Variants in PPARA observed in about 807,000 individuals in gnomAD.
PPARA encodes the protein peroxisome proliferator activated receptor alpha.
PPARA carries 22 observed loss-of-function variants against 42.2 expected under a neutral mutation model. That is an observed-to-expected ratio of 0.52 (90% CI 0.37 to 0.74). The LOEUF (loss-of-function observed/expected upper bound fraction) is 0.74. Among genes scored for constraint, PPARA ranks in the 30% least tolerant of loss-of-function variants. PPARA has a pLI of 0.00. For synonymous variants in PPARA, 242 were observed against 239.3 expected (o/e 1.01, Z -0.10); for missense variants, 465 against 608.2 (o/e 0.76, Z 2.48).
intron 5 of PPARA, among the ~76,000 whole-genome samples, chr22:46,217,758 G>A (rs990531256): frequency 2.7e-5 from 4 of 147,716 alleles, no homozygotes; most frequent in African/African-American, 5.0e-5. Flanking sequence ...TAAATGTAAC[G>A]ACATTTAAAG....
At position 46,203,875 on chromosome 22, in the gene PPARA, G is replaced by T. The variant is rs1466024648; in HGVS notation, c.208+5284G>T. On this transcript the variant is annotated intron_variant, in intron 4 of 8. Transcript: ENST00000407236. This position sits in a 1 kb window ranked among gnomAD's most constrained non-coding sequence, Gnocchi z 5.8. Reference sequence around the variant, plus strand: ...CCTCATCTACACAAAAGCACCTGAGGTAAACACTTGTGGGGCAGGTTGCAG... The same window carrying T: ...CCTCATCTACACAAAAGCACCTGAGTTAAACACTTGTGGGGCAGGTTGCAG... Among the ~76,000 whole-genome samples the T allele has an allele frequency of 6.6e-6, 1 of 152,232 alleles. No individual in the cohort carries two copies. Among genetic ancestry groups the T allele is most frequent in the Non-Finnish European group, 1.5e-5 (1 of 68,044 alleles).
chr22:46,207,103 G>C (rs888877278), intron 4 of PPARA, among the ~76,000 whole-genome samples: 1 of 151,586 alleles, frequency 6.6e-6, no homozygotes, highest in Non-Finnish European at 1.5e-5. Context: ...CATGCCTATA[G>C]TCCCTGCTAC....
chr22:46,155,013 AAAAAAAAAAAAAAAC>A (rs1925061720), intron 2 of PPARA: 5 of 144,300 alleles, frequency 3.5e-5, no homozygotes, highest in Admixed American at 2.7e-4. Flanking sequence ...AAAAAAAAAA[AAAAAAAAAAAAAAAC>A]CACATTAATT....
At chr22:46,194,568 C>CTTT (rs1158744441) in intron 3 of PPARA, among the ~76,000 whole-genome samples, 51 of 125,486 alleles carry the variant, frequency 4.1e-4, no homozygotes, top group South Asian at 7.7e-4. Context: ...TTGCTTTTTC[C>CTTT]TTTTTTTTTT....
chr22:46,225,457 C>T lies in PPARA; in HGVS notation c.711+5443C>T, dbSNP rs1171916012. ...AGCAACAGAAAATGAGACTGAGGGGCTTGGGCAGAGTCAGTGCCTTCTGTG... is the reference window on the plus strand; with the variant it reads ...AGCAACAGAAAATGAGACTGAGGGGTTTGGGCAGAGTCAGTGCCTTCTGTG... On this transcript the variant is annotated intron_variant, in intron 7 of 8. Coordinates refer to ENST00000407236, the MANE Select transcript of PPARA (RefSeq NM_005036.6). This position sits in a 1 kb window ranked among gnomAD's most constrained non-coding sequence, Gnocchi z 4.1. 6.6e-6 allele frequency among the ~76,000 whole-genome samples: 1 copy of T among 152,126 alleles called. No individual in the cohort carries two copies. Among genetic ancestry groups the T allele is most frequent in the Non-Finnish European group, 1.5e-5 (1 of 68,002 alleles).
intron 2 of PPARA, among the ~76,000 whole-genome samples, chr22:46,169,570 G>T (rs953006641): frequency 2.6e-5 from 4 of 151,864 alleles, no homozygotes; most frequent in Non-Finnish European, 4.4e-5. Context: ...AAACTGTGGT[G>T]GGAGTGAGGT....
rs1445129121 is a variant in PPARA at position 46,196,971 on chromosome 22, TG to T, written c.-42-1368del. Among the ~76,000 whole-genome samples, 1 of 152,168 alleles carries T rather than the reference TG, an allele frequency of 6.6e-6. No individual in the cohort carries two copies. The highest frequency in any genetic ancestry group is 1.9e-4 in the East Asian group (1 of 5,188). On this transcript the variant is annotated intron_variant, in intron 3 of 8. Coordinates refer to ENST00000407236, the MANE Select transcript of PPARA (RefSeq NM_005036.6). The surrounding 1 kb of genome is among the most constrained non-coding windows in gnomAD (Gnocchi z 5.6). ...CTCCTGACCTCGTGATCTGCCCACC[TG>T]GGCCTCCCAAAGTGCTGGGATTACA... is the stretch of plus-strand genomic sequence containing the variant.
chr22:46,154,045 A>G (rs888227359), intron 2 of PPARA, among the ~76,000 whole-genome samples: 1 of 152,222 alleles, frequency 6.6e-6, no homozygotes, highest in Admixed American at 6.5e-5. Flanking sequence ...AGATACAATA[A>G]TATTTAGCCA....
rs973815827 is a variant in PPARA at position 46,236,974 on chromosome 22, C to T, written c.*1594C>T. ...TGGTAGTTTGTCAAGAATATATGGA[C>T]CTGGAAACACTTTCTCTCTCTGTCC... On this transcript the variant is annotated 3_prime_UTR_variant, in exon 9 of 9. Transcript: ENST00000407236. This position sits in a 1 kb window ranked among gnomAD's most constrained non-coding sequence, Gnocchi z 5.2. 6.6e-6 allele frequency: 1 copy of T among 152,148 alleles called. No individual in the cohort carries two copies. Among genetic ancestry groups the T allele is most frequent in the African/African-American group, 2.4e-5 (1 of 41,430 alleles). The allele number at this position is 152,148 out of a possible 1,614,324, so 9.4% of individuals were successfully genotyped here. A position where few individuals can be genotyped will look rare whatever the true frequency, so the allele number is the denominator to read the frequency against.
rs1314664717 is a variant in PPARA, at chr22:46,191,253, T to A, written c.-42-7089T>A. On this transcript the variant is annotated intron_variant, in intron 3 of 8. Coordinates refer to ENST00000407236, the MANE Select transcript of PPARA (RefSeq NM_005036.6). This position sits in a 1 kb window ranked among gnomAD's most constrained non-coding sequence, Gnocchi z 4.6. Reference sequence around the variant, plus strand: ...GGACCTTCTGGGTCCAAGAACCTCATGTCCAATACAAGGGTGCACACGTGG... The same window carrying A: ...GGACCTTCTGGGTCCAAGAACCTCAAGTCCAATACAAGGGTGCACACGTGG... Among the ~76,000 whole-genome samples the A allele has an allele frequency of 1.3e-5, 2 of 152,128 alleles. No individual in the cohort carries two copies. The highest frequency in any genetic ancestry group is 2.9e-5 in the Non-Finnish European group (2 of 68,024).
At chr22:46,170,174 G>A (rs902242582) in intron 2 of PPARA, among the ~76,000 whole-genome samples, 6 of 150,244 alleles carry the variant, frequency 4.0e-5, no homozygotes, top group African/African-American at 1.5e-4. Flanking sequence ...TACTTGTACT[G>A]TATACAGGCT....
In PPARA at chr22:46,184,463, C is replaced by T. The variant is rs1355964712; in HGVS notation, c.-43+7627C>T. On this transcript the variant is annotated intron_variant, in intron 3 of 8. Transcript: ENST00000407236. The surrounding 1 kb of genome is among the most constrained non-coding windows in gnomAD (Gnocchi z 4.4). ...TGCTACCCTTGCACCTGATGGAGGGCTTCTCTGAATATAGGGCTATGGGGT... is the reference window on the plus strand; with the variant it reads ...TGCTACCCTTGCACCTGATGGAGGGTTTCTCTGAATATAGGGCTATGGGGT... Among the ~76,000 whole-genome samples the T allele has an allele frequency of 6.6e-6, 1 of 152,166 alleles. No homozygotes were observed. Among genetic ancestry groups the T allele is most frequent in the Non-Finnish European group, 1.5e-5 (1 of 68,020 alleles).
At position 46,234,332 on chromosome 22, in the gene PPARA, A is replaced by T. The variant is rs1212595875; in HGVS notation, c.1160-801A>T. ...AAACAATGAAGATGTTTAAATCCTC[A>T]TCACTAGCAACCCTGTTAAGAATCA... On this transcript the variant is annotated intron_variant, in intron 8 of 8. Transcript: ENST00000407236. The surrounding 1 kb of genome is among the most constrained non-coding windows in gnomAD (Gnocchi z 5.8). 1.6e-4 allele frequency among the ~76,000 whole-genome samples: 24 copies of T among 152,212 alleles called. 1 individual carries two copies. The highest frequency in any genetic ancestry group is 1.6e-3 in the Admixed American group (24 of 15,284).
At chr22:46,159,963 G>A (rs1925904797) in intron 2 of PPARA, among the ~76,000 whole-genome samples, 1 of 152,200 alleles carries the variant, frequency 6.6e-6, no homozygotes, top group Non-Finnish European at 1.5e-5. Context: ...AAGAAGGTGT[G>A]TACACCCAGA....
chr22:46,192,938 C>T lies in PPARA; in HGVS notation c.-42-5404C>T, dbSNP rs1931755246. 1.3e-5 allele frequency among the ~76,000 whole-genome samples: 2 copies of T among 152,108 alleles called. No homozygotes were observed. Among genetic ancestry groups the T allele is most frequent in the African/African-American group, 4.8e-5 (2 of 41,408 alleles). ...GGCTCTAAAAATCAAATCACTTGAACTCAGAGAGATTAGAAGGATGGTTAC... is the reference window on the plus strand; with the variant it reads ...GGCTCTAAAAATCAAATCACTTGAATTCAGAGAGATTAGAAGGATGGTTAC... On this transcript the variant is annotated intron_variant, in intron 3 of 8. Coordinates refer to ENST00000407236, the MANE Select transcript of PPARA (RefSeq NM_005036.6). The surrounding 1 kb of genome is among the most constrained non-coding windows in gnomAD (Gnocchi z 4.3).
chr22:46,194,052 G>A (rs940351526), intron 3 of PPARA, among the ~76,000 whole-genome samples: 3 of 152,198 alleles, frequency 2.0e-5, no homozygotes, highest in Admixed American at 2.0e-4. Flanking sequence ...GATGTGGGGG[G>A]AGCCCCAGCA....
Position 46,162,560 on chromosome 22 carries a change from G to C in PPARA, c.-127+10590G>C, listed in dbSNP as rs77507668. Among the ~76,000 whole-genome samples, 1 of 152,096 alleles carries C rather than the reference G, an allele frequency of 6.6e-6. No homozygotes were observed. The highest frequency in any genetic ancestry group is 2.4e-5 in the African/African-American group (1 of 41,414). ...TGTAACACCTGGTGCTTTTCCTTTC[G>C]TGCACTCAGGCAGTGTTTATTCAAG... On this transcript the variant is annotated intron_variant, in intron 2 of 8. Coordinates refer to ENST00000407236, the MANE Select transcript of PPARA (RefSeq NM_005036.6). This position sits in a 1 kb window ranked among gnomAD's most constrained non-coding sequence, Gnocchi z 6.0.
At position 46,232,101 on chromosome 22, in the gene PPARA, C is replaced by A; in HGVS notation, c.1021C>A (p.Arg341Ser). 1 of 1,614,162 alleles carries A rather than the reference C, an allele frequency of 6.2e-7. No individual in the cohort carries two copies. The change falls in exon 8 of 9, where the codon CGT (arginine) becomes AGT (serine). Residue 341 changes from arginine to serine, a missense_variant. Physicochemically the swap from Arg to Ser is moderately radical, Grantham distance 110 (BLOSUM62 -1). Around this residue, in one of 2 missense-constraint regions of PPARA, gnomAD observed 313 missense variants for 469.1 expected, o/e 0.67. Coordinates refer to ENST00000407236, the MANE Select transcript of PPARA (RefSeq NM_005036.6). The surrounding 1 kb of genome is among the most constrained non-coding windows in gnomAD (Gnocchi z 5.3). ...LVAYGNGFIT[R>S]EFLKSLRKPF... Reference sequence around the variant, plus strand: ...AGCGTATGGAAATGGGTTTATAACTCGTGAATTCCTAAAAAGCCTAAGGAA... The same window carrying A: ...AGCGTATGGAAATGGGTTTATAACTAGTGAATTCCTAAAAAGCCTAAGGAA...
rs778303922 is a variant in PPARA, at chr22:46,232,213, T to G, written c.1133T>G (p.Phe378Cys). 4.2e-5 allele frequency: 67 copies of G among 1,614,054 alleles called. No individual in the cohort carries two copies. Among genetic ancestry groups the G allele is most frequent in the Non-Finnish European group, 5.2e-5 (61 of 1,180,030 alleles). ...CTGGATGACAGTGATATCTCCCTTT[T>G]TGTGGCTGCTATCATTTGCTGTGGA... Reference protein sequence around the residue: ...LELDDSDISLFVAAIICCGDR... With the variant: ...LELDDSDISLCVAAIICCGDR... Residue 378 changes from phenylalanine (F) to cysteine (C), a missense_variant, in exon 8 of 9, where the codon TTT (phenylalanine) becomes TGT (cysteine). By Grantham distance (205) the Phe-to-Cys change is radical. Coordinates refer to ENST00000407236, the MANE Select transcript of PPARA (RefSeq NM_005036.6). The surrounding 1 kb of genome is among the most constrained non-coding windows in gnomAD (Gnocchi z 5.3).
Sources: gnomAD v4.1 joint callset for allele counts (sites outside exome capture counted in the v4.1 genomes callset) on GRCh38, gnomAD v4.1.1 for gene constraint, gnomAD v4.1.1 regional missense constraint, Gnocchi (gnomAD v3.1) non-coding constraint, MANE v1.5 for transcripts, NCBI Gene and HGNC (gene_info 2026-07-23, HGNC 2026-07-21) for gene names.